The following ZEB1 variants were observed in gnomAD, a reference collection of about 807,000 sequenced individuals.
ZEB1 encodes zinc finger E-box-binding homeobox 1.
A neutral mutation model predicts 84.9 loss-of-function variants in ZEB1; 21 were observed. That is an observed-to-expected ratio of 0.25 (90% CI 0.18 to 0.36). The LOEUF is 0.36. Ranked by LOEUF, ZEB1 falls within the 10% of genes least tolerant of loss-of-function variation. The probability of loss-of-function intolerance (pLI) is 1.00; values close to 1 mark genes in which losing one functional copy is unlikely to be tolerated. For synonymous variants in ZEB1, 420 were observed against 471.1 expected (o/e 0.89, Z 1.41); for missense variants, 1,104 against 1,330.2 (o/e 0.83, Z 2.65).
At chr10:31,474,028 T>C (rs557743616) in intron 2 of ZEB1, among the ~76,000 whole-genome samples, 44 of 152,280 alleles carry the variant, frequency 2.9e-4, no homozygotes, top group Non-Finnish European at 5.9e-4. Flanking sequence ...TGAAACTGGA[T>C]CCCTTCCTTA....
chr10:31,382,021 A>AACAAAAC (rs921060161), intron 1 of ZEB1, among the ~76,000 whole-genome samples: 164 of 149,956 alleles, frequency 1.1e-3, no homozygotes, highest in African/African-American at 4.1e-3. Flanking sequence ...AAAAAAAAAA[A>AACAAAAC]AAAAAAAAAA....
intron 3 of ZEB1, among the ~76,000 whole-genome samples, chr10:31,499,505 A>C (rs1456184610): frequency 6.6e-6 from 1 of 152,202 alleles, no homozygotes; most frequent in Non-Finnish European, 1.5e-5. Flanking sequence ...CTGTCAGGAA[A>C]AAAAGCATTT....
At chr10:31,400,725 A>AT (rs2051818808) in intron 1 of ZEB1, among the ~76,000 whole-genome samples, 1 of 152,156 alleles carries the variant, frequency 6.6e-6, no homozygotes, top group Non-Finnish European at 1.5e-5. Context: ...TCTGTGTCTT[A>AT]TAAGTTTTCA....
At chr10:31,414,332 G>A (rs1312720330) in intron 1 of ZEB1, among the ~76,000 whole-genome samples, 1 of 152,070 alleles carries the variant, frequency 6.6e-6, no homozygotes, top group Non-Finnish European at 1.5e-5. Flanking sequence ...TAAATGCATT[G>A]TGGTGTTTGC....
At position 31,520,011 on chromosome 10, in the gene ZEB1, C is replaced by T. The variant is rs2071961568; in HGVS notation, c.794-115C>T. On this transcript the variant is annotated intron_variant, in intron 6 of 8. Transcript: ENST00000424869. The surrounding 1 kb of genome is among the most constrained non-coding windows in gnomAD (Gnocchi z 5.1). ...ATTCTAAATACAGTTCTGTCACAAG[C>T]ATGCATGGCAGTCTTCTTTTTAAAA... The T allele has an allele frequency of 2.7e-5, 36 of 1,331,816 alleles. No homozygotes were observed. The South Asian group carries it at 4.5e-4, about 16-fold the overall frequency. The allele number at this position is 1,331,816 out of a possible 1,614,324, so 82.5% of individuals were successfully genotyped here.
chr10:31,488,941 G>C (rs181926843), intron 2 of ZEB1, among the ~76,000 whole-genome samples: 1 of 151,094 alleles, frequency 6.6e-6, no homozygotes, highest in African/African-American at 2.4e-5. Flanking sequence ...TGTGAATTTC[G>C]TCATTGGGGT....
intron 1 of ZEB1, among the ~76,000 whole-genome samples, chr10:31,367,437 G>C (rs1242220958): frequency 1.3e-5 from 2 of 152,152 alleles, no homozygotes; most frequent in African/African-American, 4.8e-5. Flanking sequence ...TGATGATGAT[G>C]ATTGTATTAG....
chr10:31,387,339 T>A (rs1463939920), intron 1 of ZEB1: 1 of 984,146 alleles, frequency 1.0e-6, no homozygotes, highest in Non-Finnish European at 1.2e-6. Flanking sequence ...GAATGCTCCA[T>A]TGAGGGTGTG....
rs1310935714 is a variant in ZEB1 at position 31,337,766 on chromosome 10, G to C, written c.58+18474G>C. 2.9e-5 allele frequency among the ~76,000 whole-genome samples: 4 copies of C among 138,286 alleles called. 1 individual carries two copies. The highest frequency in any genetic ancestry group is 2.4e-4 in the Admixed American group (3 of 12,658). 90.7% of individuals were successfully genotyped at this position (138,286 alleles called of 152,430 possible). ...AATGGCGCAATCTCGGCTCACTGCT[G>C]CCTCCGTCTCCCCGGTCAAGCGATT... On this transcript the variant is annotated intron_variant, in intron 1 of 8. Coordinates refer to ENST00000424869, the MANE Select transcript of ZEB1 (RefSeq NM_001174096.2).
chr10:31,374,241 A>C (rs1009885844), intron 1 of ZEB1, among the ~76,000 whole-genome samples: 1 of 151,846 alleles, frequency 6.6e-6, no homozygotes, highest in African/African-American at 2.4e-5. Context: ...AGAGATGTCA[A>C]AATTATGTTA....
chr10:31,522,372 A>G (rs1348636253), intron 7 of ZEB1, among the ~76,000 whole-genome samples: 6 of 152,232 alleles, frequency 3.9e-5, no homozygotes, highest in Non-Finnish European at 7.3e-5. Context: ...TCACTTTTAT[A>G]TACTAATACA....
intron 1 of ZEB1, among the ~76,000 whole-genome samples, chr10:31,327,099 C>CTTTTTTTTTTTTTTTT (rs71527629): frequency 3.6e-3 from 302 of 84,840 alleles, no homozygotes; most frequent in Middle Eastern, 0.019. Flanking sequence ...CTTTTCTTTT[C>CTTTTTTTTTTTTTTTT]TTTTTTTTTT....
At chr10:31,464,117 TAAC>T (rs1442795776) in intron 2 of ZEB1, among the ~76,000 whole-genome samples, 1 of 152,120 alleles carries the variant, frequency 6.6e-6, no homozygotes, top group Non-Finnish European at 1.5e-5. Flanking sequence ...AGGATACATT[TAAC>T]AACAAATTAA....
At chr10:31,471,207 A>G (rs1450001936) in intron 2 of ZEB1, among the ~76,000 whole-genome samples, 6 of 123,412 alleles carry the variant, frequency 4.9e-5, no homozygotes, top group African/African-American at 1.6e-4. Flanking sequence ...AAATTCACAC[A>G]TAACAATATT....
At chr10:31,381,852 A>G (rs542177873) in intron 1 of ZEB1, 1 of 152,090 alleles carries the variant, frequency 6.6e-6, no homozygotes, top group East Asian at 1.9e-4. Context: ...CTCTACTAAA[A>G]ATAGAGAAAT....
Position 31,345,986 on chromosome 10 carries a change from A to G in ZEB1, c.58+26694A>G, listed in dbSNP as rs1223875168. Among the ~76,000 whole-genome samples the G allele has an allele frequency of 2.6e-5, 4 of 152,206 alleles. No individual in the cohort carries two copies. In the East Asian group the frequency reaches 7.7e-4, roughly 29 times the overall value. On this transcript the variant is annotated intron_variant, in intron 1 of 8. Coordinates refer to ENST00000424869, the MANE Select transcript of ZEB1 (RefSeq NM_001174096.2). ...AAATCCATCTGGTCTGGTTCATTTTATAGATAGAACTGAGAACCTCAAAAA... is the reference window on the plus strand; with the variant it reads ...AAATCCATCTGGTCTGGTTCATTTTGTAGATAGAACTGAGAACCTCAAAAA...
intron 2 of ZEB1, among the ~76,000 whole-genome samples, chr10:31,478,042 C>A (rs2064493646): frequency 6.6e-6 from 1 of 151,916 alleles, no homozygotes; most frequent in African/African-American, 2.4e-5. Context: ...AGCCTGTTCA[C>A]AGCAAAAGAA....
At chr10:31,360,686 G>A (rs1318175641) in intron 1 of ZEB1, among the ~76,000 whole-genome samples, 1 of 152,152 alleles carries the variant, frequency 6.6e-6, no homozygotes, top group Non-Finnish European at 1.5e-5. Context: ...AAATAAACAT[G>A]GAAAACAGTT....
At chr10:31,321,293 C>A in intron 1 of ZEB1, 11 of 1,383,232 alleles carry the variant, frequency 8.0e-6, no homozygotes, top group Non-Finnish European at 9.4e-6. Context: ...TTAATATATT[C>A]GAGCCATCAT....
Sources: gnomAD v4.1 joint callset for allele counts (sites outside exome capture counted in the v4.1 genomes callset) on GRCh38, gnomAD v4.1.1 for gene constraint, Gnocchi (gnomAD v3.1) non-coding constraint, MANE v1.5 for transcripts, NCBI Gene and HGNC (gene_info 2026-07-23, HGNC 2026-07-21) for gene names.